Variants in TSC22D1 observed in about 807,000 individuals in gnomAD.
The protein encoded by TSC22D1 is TSC22 domain family member 1.
Under a neutral mutation model 74.2 loss-of-function variants are expected in TSC22D1, and 9 were observed. That is an observed-to-expected ratio of 0.12 (90% CI 0.07 to 0.21). The LOEUF is 0.21. Among genes scored for constraint, TSC22D1 ranks in the 10% least tolerant of loss-of-function variants. The pLI is 1.00. For missense variants in TSC22D1, 1,427 were observed against 1,304.7 expected, an observed-to-expected ratio of 1.09 and a Z score of -1.44; for synonymous variants, 586 against 492.5, an observed-to-expected ratio of 1.19 and a Z score of -2.51.
chr13:44,436,847 T>A (rs936838660), intron 1 of TSC22D1: 2 of 1,322,894 alleles, frequency 1.5e-6, no homozygotes, highest in African/African-American at 3.0e-5. Context: ...CGGGCTCCAC[T>A]CAGCTCTAGA....
intron 1 of TSC22D1, among the ~76,000 whole-genome samples, chr13:44,455,091 T>C (rs1027246663): frequency 7.2e-5 from 11 of 152,078 alleles, no homozygotes; most frequent in African/African-American, 2.7e-4. Flanking sequence ...AATAAGTACA[T>C]ATACAGTATG....
At chr13:44,512,309 A>G (rs886709117) in intron 1 of TSC22D1, among the ~76,000 whole-genome samples, 1 of 152,012 alleles carries the variant, frequency 6.6e-6, no homozygotes, top group Non-Finnish European at 1.5e-5. Context: ...AGCTGGGACT[A>G]CAGGCGCCCA....
chr13:44,516,677 T>C (rs900001268), intron 1 of TSC22D1, among the ~76,000 whole-genome samples: 1 of 152,218 alleles, frequency 6.6e-6, no homozygotes, highest in Non-Finnish European at 1.5e-5. Flanking sequence ...GAGACATTTT[T>C]TAAAGTACCC....
In TSC22D1 at chr13:44,434,566, C is replaced by T; in HGVS notation, c.*60G>A. On this transcript the variant is annotated 3_prime_UTR_variant, in exon 3 of 3. Transcript: ENST00000458659. ...GACTGTGGAGGCAGATTCTCCCTAG[C>T]ACATCTTCTCCGTCTGTTCAGTTCA... The T allele has an allele frequency of 2.7e-6, 4 of 1,491,178 alleles. No homozygotes were observed. The highest frequency in any genetic ancestry group is 3.6e-6 in the Non-Finnish European group (4 of 1,123,376). 92.4% of individuals were successfully genotyped at this position (1,491,178 alleles called of 1,614,324 possible).
chr13:44,529,027 G>A (rs1880692729), intron 1 of TSC22D1, among the ~76,000 whole-genome samples: 1 of 152,008 alleles, frequency 6.6e-6, no homozygotes, highest in African/African-American at 2.4e-5. Context: ...CTCATGATAT[G>A]ATACCAATTC....
In TSC22D1 at chr13:44,436,750, T is replaced by C. The variant is rs1874683849; in HGVS notation, c.2913-655A>G. The C allele has an allele frequency of 3.4e-6, 5 of 1,484,270 alleles. No individual in the cohort carries two copies. In the African/African-American group the frequency reaches 5.6e-5, roughly 17 times the overall value. 91.9% of individuals were successfully genotyped at this position (1,484,270 alleles called of 1,614,324 possible). Reference sequence around the variant, plus strand: ...GAGAAACAGAAAACGGCAGCCCTAATTTAAAGAAACCCAGCTTCTAGGGCT... The same window carrying C: ...GAGAAACAGAAAACGGCAGCCCTAACTTAAAGAAACCCAGCTTCTAGGGCT... On this transcript the variant is annotated intron_variant, in intron 1 of 2. Coordinates refer to ENST00000458659, the MANE Select transcript of TSC22D1 (RefSeq NM_183422.4).
intron 1 of TSC22D1, among the ~76,000 whole-genome samples, chr13:44,441,180 A>C (rs1254367577): frequency 6.6e-6 from 1 of 152,192 alleles, no homozygotes; most frequent in Admixed American, 6.5e-5. Context: ...CTGCTGCTGG[A>C]CAAGCCCAAG....
intron 1 of TSC22D1, among the ~76,000 whole-genome samples, chr13:44,561,708 A>G (rs1322586555): frequency 2.0e-5 from 3 of 150,756 alleles, no homozygotes; most frequent in African/African-American, 7.5e-5. Flanking sequence ...ACCTTGTTAT[A>G]CTTTTCCCAA....
Position 44,434,200 on chromosome 13 carries a change from G to GGAGGA in TSC22D1, c.*421_*425dup. ...CCCTCCTTTCAAGTTCCTCCTGGGG[G>GGAGGA]GAGGAGAGGAGAGAGGCGAGTCCAG... On this transcript the variant is annotated 3_prime_UTR_variant, in exon 3 of 3. Transcript: ENST00000458659. 1 of 1,452,282 alleles carries GGAGGA rather than the reference G, an allele frequency of 6.9e-7. No homozygotes were observed. Among genetic ancestry groups the GGAGGA allele is most frequent in the South Asian group, 1.5e-5 (1 of 68,676 alleles). The allele number at this position is 1,452,282 out of a possible 1,614,324, so 90.0% of individuals were successfully genotyped here. A position where few individuals can be genotyped will look rare whatever the true frequency, so the allele number is the denominator to read the frequency against.
At chr13:44,538,102 C>CA (rs1881258068) in intron 1 of TSC22D1, 1 of 985,184 alleles carries the variant, frequency 1.0e-6, no homozygotes, top group South Asian at 4.7e-5. Context: ...TTCACACCTA[C>CA]AGGCTTATTC....
chr13:44,473,608 T>C (rs975930258), intron 1 of TSC22D1, among the ~76,000 whole-genome samples: 4 of 180 alleles, frequency 0.022, no homozygotes, highest in African/African-American at 0.06. Context: ...AGTATATATG[T>C]GTGTGTGTGT....
intron 1 of TSC22D1, among the ~76,000 whole-genome samples, chr13:44,551,310 G>GGGGGTGTGTGTGT (rs1555272439): frequency 7.5e-6 from 1 of 132,858 alleles, no homozygotes; most frequent in African/African-American, 2.9e-5. Context: ...ATCAGCTGGG[G>GGGGGTGTGTGTGT]GTGTGTGTGT....
chr13:44,553,868 A>G (rs1462048541), intron 1 of TSC22D1, among the ~76,000 whole-genome samples: 1 of 152,210 alleles, frequency 6.6e-6, no homozygotes, highest in East Asian at 1.9e-4. Context: ...TTATGCATTT[A>G]GAATGATGGT....
At chr13:44,520,353 C>G (rs868200716) in intron 1 of TSC22D1, among the ~76,000 whole-genome samples, 9 of 152,122 alleles carry the variant, frequency 5.9e-5, no homozygotes, top group Admixed American at 3.3e-4. Flanking sequence ...TGAGGGTACA[C>G]ATATGACTAG....
At chr13:44,517,468 C>T (rs1490735904) in intron 1 of TSC22D1, among the ~76,000 whole-genome samples, 1 of 151,804 alleles carries the variant, frequency 6.6e-6, no homozygotes, top group African/African-American at 2.4e-5. Flanking sequence ...CAAGACATAT[C>T]AATAACAACA....
At chr13:44,460,776 C>G (rs1410844154) in intron 1 of TSC22D1, among the ~76,000 whole-genome samples, 1 of 152,198 alleles carries the variant, frequency 6.6e-6, no homozygotes. Context: ...TCTTTCCCAC[C>G]ACAGCTCCTT....
rs144468414 is a variant in TSC22D1 at position 44,435,056 on chromosome 13, G to A, written c.2965-173C>T. On this transcript the variant is annotated intron_variant, in intron 2 of 2. Coordinates refer to ENST00000458659, the MANE Select transcript of TSC22D1 (RefSeq NM_183422.4). The stretch of plus-strand genomic sequence containing the variant: ...ATACAAACATGACTGTACAATACTT[G>A]AGTTTAACGTATAAATGATCAAGCT... The A allele has an allele frequency of 6.8e-4, 416 of 612,246 alleles. 2 individuals carry two copies. The highest frequency in any genetic ancestry group is 5.6e-3 in the African/African-American group (300 of 53,404). The allele number at this position is 612,246 out of a possible 1,614,324, so 37.9% of individuals were successfully genotyped here.
At chr13:44,476,613 T>G (rs1272304503) in intron 1 of TSC22D1, among the ~76,000 whole-genome samples, 1 of 152,198 alleles carries the variant, frequency 6.6e-6, no homozygotes, top group Non-Finnish European at 1.5e-5. Context: ...AAAGGGAAAT[T>G]TTATGATGGC....
chr13:44,536,901 T>TA, intron 1 of TSC22D1: 1 of 544,754 alleles, frequency 1.8e-6, no homozygotes, highest in Non-Finnish European at 2.2e-6. Context: ...AGAATCACCT[T>TA]AACAGTTCAA....
Sources: allele counts gnomAD v4.1 joint callset (sites outside exome capture counted in the v4.1 genomes callset), GRCh38; gene constraint gnomAD v4.1.1; transcripts MANE v1.5; gene names NCBI Gene and HGNC (gene_info 2026-07-23, HGNC 2026-07-21).